The following GNA12 variants were observed in gnomAD, a reference collection of about 807,000 sequenced individuals.
GNA12 encodes the protein guanine nucleotide-binding protein subunit alpha-12.
GNA12 carries 9 observed loss-of-function variants against 26.0 expected under a neutral mutation model. That is an observed-to-expected ratio of 0.35 (90% CI 0.21 to 0.60). The LOEUF (loss-of-function observed/expected upper bound fraction) is 0.60. Among genes scored for constraint, GNA12 ranks in the 20% least tolerant of loss-of-function variants. GNA12 has a pLI of 0.78. For missense variants in GNA12, 405 were observed against 525.8 expected (o/e 0.77, Z 2.25); for synonymous variants, 264 against 219.6 (o/e 1.20, Z -1.79).
intron 2 of GNA12, among the ~76,000 whole-genome samples, chr7:2,776,560 T>C (rs1395295963): frequency 6.6e-6 from 1 of 152,224 alleles, no homozygotes; most frequent in Non-Finnish European, 1.5e-5. Context: ...TCGATGTTCC[T>C]GTTTTGTGGA....
intron 1 of GNA12, among the ~76,000 whole-genome samples, chr7:2,828,089 C>T (rs564097675): frequency 5.0e-4 from 76 of 152,098 alleles, no homozygotes; most frequent in Non-Finnish European, 8.7e-4. Flanking sequence ...AAGAAAATGC[C>T]GAAGATGTTG....
At chr7:2,771,526 A>G (rs1791949330) in intron 2 of GNA12, among the ~76,000 whole-genome samples, 1 of 152,090 alleles carries the variant, frequency 6.6e-6, no homozygotes, top group Non-Finnish European at 1.5e-5. Context: ...TGCATATTCT[A>G]GATTCTCATG....
At chr7:2,755,300 C>T (rs1439664554) in intron 2 of GNA12, among the ~76,000 whole-genome samples, 2 of 152,332 alleles carry the variant, frequency 1.3e-5, no homozygotes, top group East Asian at 3.9e-4. Flanking sequence ...AAAGATCTTG[C>T]TGCGATTTTC....
chr7:2,791,077 A>C, intron 2 of GNA12, among the ~76,000 whole-genome samples: 1 of 152,246 alleles, frequency 6.6e-6, no homozygotes, highest in Non-Finnish European at 1.5e-5. Context: ...ACTATATTAT[A>C]AGCACATTAG....
At chr7:2,744,871 T>A (rs1023297070) in intron 2 of GNA12, among the ~76,000 whole-genome samples, 1 of 152,072 alleles carries the variant, frequency 6.6e-6, no homozygotes, top group Non-Finnish European at 1.5e-5. Context: ...ACCTGAGGAA[T>A]GCAGAAGCCT....
At chr7:2,735,641 C>T (rs1393367374) in intron 2 of GNA12, among the ~76,000 whole-genome samples, 1 of 152,226 alleles carries the variant, frequency 6.6e-6, no homozygotes, top group Non-Finnish European at 1.5e-5. Context: ...CTCACTGCTG[C>T]TTTCTCCACG....
chr7:2,813,105 G>A (rs1745146537), intron 1 of GNA12, among the ~76,000 whole-genome samples: 1 of 152,084 alleles, frequency 6.6e-6, no homozygotes, highest in African/African-American at 2.4e-5. Context: ...TTTATTTGTA[G>A]ACACACAGTC....
At chr7:2,795,743 A>C (rs1011638961) in intron 1 of GNA12, among the ~76,000 whole-genome samples, 2 of 151,952 alleles carry the variant, frequency 1.3e-5, no homozygotes, top group Non-Finnish European at 2.9e-5. Context: ...AAAAAAGACA[A>C]CTGGGCGGGG....
intron 2 of GNA12, among the ~76,000 whole-genome samples, chr7:2,740,242 T>C (rs1208432269): frequency 1.3e-5 from 2 of 152,186 alleles, no homozygotes; most frequent in Admixed American, 1.3e-4. Context: ...AGACTGCATG[T>C]TTGTATGCTC....
intron 2 of GNA12, chr7:2,762,794 G>A (rs1459762383): frequency 2.0e-5 from 30 of 1,536,950 alleles, no homozygotes; most frequent in Non-Finnish European, 2.5e-5. Flanking sequence ...AAAGGGAGGA[G>A]GAGCACTCAG....
chr7:2,740,653 T>C (rs1790452426), intron 2 of GNA12, among the ~76,000 whole-genome samples: 1 of 152,212 alleles, frequency 6.6e-6, no homozygotes, highest in African/African-American at 2.4e-5. Flanking sequence ...AACAACATGT[T>C]AATACTGGGC....
At chr7:2,831,225 G>A (rs965277149) in intron 1 of GNA12, among the ~76,000 whole-genome samples, 2 of 151,510 alleles carry the variant, frequency 1.3e-5, no homozygotes, top group Non-Finnish European at 2.9e-5. Flanking sequence ...GTAAATGACC[G>A]GTTTTCTATT....
chr7:2,839,856 G>C (rs894262206), intron 1 of GNA12, among the ~76,000 whole-genome samples: 1 of 152,146 alleles, frequency 6.6e-6, no homozygotes, highest in African/African-American at 2.4e-5. Flanking sequence ...AAAATTAGCT[G>C]GACGTGGTGG....
chr7:2,742,939 T>C (rs907565948), intron 2 of GNA12, among the ~76,000 whole-genome samples: 2 of 152,226 alleles, frequency 1.3e-5, no homozygotes, highest in Non-Finnish European at 2.9e-5. Flanking sequence ...TAGGTTCTTC[T>C]CAATTTTCCA....
chr7:2,841,933 C>T (rs1778999537), intron 1 of GNA12, among the ~76,000 whole-genome samples: 1 of 149,976 alleles, frequency 6.7e-6, no homozygotes, highest in Non-Finnish European at 1.5e-5. Flanking sequence ...TTGTCCTCGC[C>T]TCTAACTTGG....
At chr7:2,782,302 A>G (rs1357083025) in intron 2 of GNA12, among the ~76,000 whole-genome samples, 2 of 152,236 alleles carry the variant, frequency 1.3e-5, no homozygotes, top group African/African-American at 4.8e-5. Context: ...TAGTCTTCAT[A>G]TTATTTCTTA....
chr7:2,741,069 CAAAT>C (rs760661528), intron 2 of GNA12, among the ~76,000 whole-genome samples: 4 of 142,498 alleles, frequency 2.8e-5, no homozygotes, highest in Admixed American at 7.0e-5. Context: ...AACAAACAAA[CAAAT>C]AATCAAACAA....
intron 1 of GNA12, among the ~76,000 whole-genome samples, chr7:2,818,743 A>ACC (rs1793273041): frequency 6.7e-6 from 1 of 150,274 alleles, no homozygotes; most frequent in African/African-American, 2.5e-5. Flanking sequence ...AGCGTGGGTG[A>ACC]CAGAGACCCT....
At chr7:2,754,500 T>C (rs1396444539) in intron 2 of GNA12, among the ~76,000 whole-genome samples, 1 of 151,912 alleles carries the variant, frequency 6.6e-6, no homozygotes. Flanking sequence ...CCCAGCACTT[T>C]GGGAGGCCAG....
Sources: allele counts gnomAD v4.1 joint callset (sites outside exome capture counted in the v4.1 genomes callset), GRCh38; gene constraint gnomAD v4.1.1; transcripts MANE v1.5; gene names NCBI Gene and HGNC (gene_info 2026-07-23, HGNC 2026-07-21).